Variants in GRM1 observed in about 807,000 individuals in gnomAD.
GRM1 encodes the protein glutamate metabotropic receptor 1.
A neutral mutation model predicts 90.9 loss-of-function variants in GRM1; 33 were observed. The ratio of observed to expected loss-of-function variants is 0.36; its 90% CI spans 0.28 to 0.49. The LOEUF (loss-of-function observed/expected upper bound fraction) is 0.49. GRM1 is among the 20% of genes least tolerant of loss of function. GRM1 has a pLI of 0.99. For missense variants in GRM1, 1,190 were observed against 1,534.3 expected (o/e 0.78, Z 3.75); for synonymous variants, 700 against 613.2 (o/e 1.14, Z -2.09).
chr6:146,422,716 T>C (rs944059951), intron 7 of GRM1, among the ~76,000 whole-genome samples: 4 of 152,144 alleles, frequency 2.6e-5, no homozygotes, highest in Non-Finnish European at 5.9e-5. Flanking sequence ...AATCTTTACA[T>C]AGAAAGTGAA....
At chr6:146,402,289 T>C (rs1777184709) in intron 7 of GRM1, among the ~76,000 whole-genome samples, 2 of 152,200 alleles carry the variant, frequency 1.3e-5, no homozygotes, top group African/African-American at 4.8e-5. Flanking sequence ...TATTTGAGGC[T>C]AACCTTCTAC....
At position 146,125,463 on chromosome 6, in the gene GRM1, G is replaced by GCC. The variant is rs139720908; in HGVS notation, c.701-33878_701-33877dup. On this transcript the variant is annotated intron_variant, in intron 1 of 7. Transcript: ENST00000282753. ...TCCTCTTTCTTTTCTTTCTTTCTCT[G>GCC]CCCCCCCCTCAACTTTCTCTCACCT... is the stretch of plus-strand genomic sequence containing the variant. Among the ~76,000 whole-genome samples the GCC allele has an allele frequency of 8.8e-5, 12 of 136,196 alleles. No individual in the cohort carries two copies. The East Asian group carries it at 1.9e-3, about 22-fold the overall frequency. The allele number at this position is 136,196 out of a possible 152,430, so 89.3% of individuals were successfully genotyped here.
chr6:146,257,287 G>A (rs1781515841), intron 2 of GRM1, among the ~76,000 whole-genome samples: 1 of 152,116 alleles, frequency 6.6e-6, no homozygotes, highest in South Asian at 2.1e-4. Flanking sequence ...TTAAGGACAG[G>A]AAATACAGCC....
intron 2 of GRM1, among the ~76,000 whole-genome samples, chr6:146,173,973 C>G (rs1279010439): frequency 6.6e-6 from 1 of 151,996 alleles, no homozygotes; most frequent in Non-Finnish European, 1.5e-5. Context: ...GAGGTTCTTA[C>G]TCAGAGTTGT....
Position 146,029,554 on chromosome 6 carries a change from T to C in GRM1, c.37T>C (p.Phe13Leu). The C allele has an allele frequency of 1.9e-6, 3 of 1,613,998 alleles. No individual in the cohort carries two copies. The highest frequency in any genetic ancestry group is 2.5e-6 in the Non-Finnish European group (3 of 1,179,944). The change falls in exon 1 of 8, where the codon TTT becomes CTT. Residue 13 changes from phenylalanine (F) to leucine (L), a missense_variant. Coordinates refer to ENST00000282753, the MANE Select transcript of GRM1 (RefSeq NM_001278064.2). ...GLLLFFFPAI[F>L]LEVSLLPRSP... Reference sequence around the variant, plus strand: ...CCTTTTGTTTTTTTTCCCAGCGATCTTTTTGGAGGTGTCCCTTCTCCCCAG... The same window carrying C: ...CCTTTTGTTTTTTTTCCCAGCGATCCTTTTGGAGGTGTCCCTTCTCCCCAG...
chr6:146,099,561 A>G (rs1776981275), intron 1 of GRM1, among the ~76,000 whole-genome samples: 1 of 152,172 alleles, frequency 6.6e-6, no homozygotes, highest in South Asian at 2.1e-4. Context: ...TCCTGGCTTT[A>G]TAGTGTTAAT....
intron 3 of GRM1, among the ~76,000 whole-genome samples, chr6:146,312,237 A>C (rs920117193): frequency 1.3e-5 from 2 of 148,336 alleles, no homozygotes; most frequent in Non-Finnish European, 3.0e-5. Flanking sequence ...GCTACTCAGG[A>C]GGCTGAGGCA....
At chr6:146,187,981 C>G (rs1778796402) in intron 2 of GRM1, among the ~76,000 whole-genome samples, 1 of 152,054 alleles carries the variant, frequency 6.6e-6, no homozygotes. Context: ...GGTAAAATAG[C>G]AAGCCTTTGT....
chr6:146,165,987 G>A (rs972208652), intron 2 of GRM1, among the ~76,000 whole-genome samples: 7 of 151,918 alleles, frequency 4.6e-5, no homozygotes, highest in Admixed American at 2.6e-4. Flanking sequence ...CTGCCTTTAG[G>A]GTATTAAAAC....
intron 1 of GRM1, among the ~76,000 whole-genome samples, chr6:146,135,071 C>A (rs983913003): frequency 6.6e-6 from 1 of 152,170 alleles, no homozygotes; most frequent in African/African-American, 2.4e-5. Context: ...GGTGGGGACA[C>A]AGAGCCAGAC....
At position 146,399,576 on chromosome 6, in the gene GRM1, T is replaced by G; in HGVS notation, c.2537T>G (p.Val846Gly). 1 of 1,614,104 alleles carries G rather than the reference T, an allele frequency of 6.2e-7. No homozygotes were observed. The highest frequency in any genetic ancestry group is 8.5e-7 in the Non-Finnish European group (1 of 1,179,960). The change falls in exon 7 of 8, where the codon GTC (valine) becomes GGC (glycine). Residue 846 changes from valine (V) to glycine (G), a missense_variant. Val to Gly is a moderately radical substitution (Grantham distance 109). This residue lies in a region of GRM1 where 73 missense variants were observed against 150.6 expected (regional missense o/e 0.48). Coordinates refer to ENST00000282753, the MANE Select transcript of GRM1 (RefSeq NM_001278064.2). This position sits in a 1 kb window ranked among gnomAD's most constrained non-coding sequence, Gnocchi z 5.4. ...ATTATTGCCAAGCCTGAGAGGAATGTCCGCAGTGCCTTCACCACCTCTGAT... is the reference window on the plus strand; with the variant it reads ...ATTATTGCCAAGCCTGAGAGGAATGGCCGCAGTGCCTTCACCACCTCTGAT... ...YIIIAKPERN[V>G]RSAFTTSDVV...
At chr6:146,108,242 T>C (rs1377268944) in intron 1 of GRM1, among the ~76,000 whole-genome samples, 1 of 152,190 alleles carries the variant, frequency 6.6e-6, no homozygotes, top group African/African-American at 2.4e-5. Context: ...TCTACCAGCA[T>C]GATCTCACCA....
intron 1 of GRM1, among the ~76,000 whole-genome samples, chr6:146,121,032 C>A (rs1775967857): frequency 6.6e-6 from 1 of 152,080 alleles, no homozygotes; most frequent in South Asian, 2.1e-4. Flanking sequence ...CTCCTTGTAC[C>A]TCTGGTAGAA....
intron 7 of GRM1, among the ~76,000 whole-genome samples, chr6:146,424,939 G>A (rs149009483): frequency 2.6e-5 from 4 of 152,052 alleles, no homozygotes; most frequent in Non-Finnish European, 5.9e-5. Flanking sequence ...TTGTTTTAAT[G>A]ATCTTTTGAT....
chr6:146,121,449 T>G (rs2128877351), intron 1 of GRM1, among the ~76,000 whole-genome samples: 1 of 152,358 alleles, frequency 6.6e-6, no homozygotes. Context: ...AGTTCTGTTC[T>G]GATCTTAGTT....
In GRM1 at chr6:146,187,738, C is replaced by CATATAT. The variant is rs10656760; in HGVS notation, c.950+28153_950+28158dup. Among the ~76,000 whole-genome samples, 969 of 148,502 alleles carry CATATAT rather than the reference C, an allele frequency of 6.5e-3. 8 individuals are homozygous for CATATAT. Among genetic ancestry groups the CATATAT allele is most frequent in the African/African-American group, 0.018 (740 of 40,608 alleles). On this transcript the variant is annotated intron_variant, in intron 2 of 7. Coordinates refer to ENST00000282753, the MANE Select transcript of GRM1 (RefSeq NM_001278064.2). ...ATATCTACAACAACTAGGCACAAAACATATATATATATATATAAAATTAGC... is the reference window on the plus strand; with the variant it reads ...ATATCTACAACAACTAGGCACAAAACATATATATATATATATATATATAAAATTAGC...
At chr6:146,059,787 A>G (rs1325561760) in intron 1 of GRM1, among the ~76,000 whole-genome samples, 1 of 152,166 alleles carries the variant, frequency 6.6e-6, no homozygotes, top group Non-Finnish European at 1.5e-5. Flanking sequence ...TGTTATGGAT[A>G]TAGCTTCTTT....
At chr6:146,407,307 C>A (rs970742515) in intron 7 of GRM1, among the ~76,000 whole-genome samples, 1 of 152,168 alleles carries the variant, frequency 6.6e-6, no homozygotes, top group African/African-American at 2.4e-5. Flanking sequence ...CAGTCACCAC[C>A]ATTTCCTTGA....
intron 7 of GRM1, among the ~76,000 whole-genome samples, chr6:146,419,428 G>A (rs1275123861): frequency 6.6e-6 from 1 of 152,172 alleles, no homozygotes; most frequent in Non-Finnish European, 1.5e-5. Flanking sequence ...ATTTCAGAGA[G>A]AAGAGAAATG....
Sources: allele counts gnomAD v4.1 joint callset (sites outside exome capture counted in the v4.1 genomes callset), GRCh38; gene constraint gnomAD v4.1.1; regional missense constraint gnomAD v4.1.1; non-coding constraint Gnocchi (gnomAD v3.1); transcripts MANE v1.5; gene names NCBI Gene and HGNC (gene_info 2026-07-23, HGNC 2026-07-21).